CCDC85A: variants seen among roughly 807,000 people sequenced by gnomAD.
CCDC85A encodes coiled-coil domain-containing protein 85A.
In CCDC85A, 38 loss-of-function variants were observed where a neutral mutation model predicts 50.2. The observed-to-expected ratio is 0.76, with a 90% CI of 0.58 to 0.99. The LOEUF (loss-of-function observed/expected upper bound fraction) is 0.99. Ranked by LOEUF, CCDC85A falls within the 50% of genes least tolerant of loss-of-function variation. CCDC85A has a pLI of 0.00. For missense variants in CCDC85A, 820 were observed against 742.0 expected (o/e 1.11, Z -1.22); for synonymous variants, 366 against 301.4 (o/e 1.21, Z -2.22).
intron 2 of CCDC85A, among the ~76,000 whole-genome samples, chr2:56,259,064 G>A (rs1016938884): frequency 3.9e-5 from 6 of 152,154 alleles, no homozygotes; most frequent in African/African-American, 1.4e-4. Flanking sequence ...TGGTTATAAT[G>A]ACCTAGGTTA....
chr2:56,305,780 T>C (rs982790636), intron 2 of CCDC85A, among the ~76,000 whole-genome samples: 23 of 152,230 alleles, frequency 1.5e-4, no homozygotes, highest in Admixed American at 3.3e-4. Context: ...AGTGGACACA[T>C]TGGCTTTGAT....
chr2:56,369,175 A>C (rs1675952593), intron 3 of CCDC85A, among the ~76,000 whole-genome samples: 1 of 152,148 alleles, frequency 6.6e-6, no homozygotes. Context: ...GAAAAGAAAC[A>C]CGACAGTGTA....
rs1323110841 is a variant in CCDC85A at position 56,192,035 on chromosome 2, A to G, written c.277-442A>G. 6.6e-6 allele frequency among the ~76,000 whole-genome samples: 1 copy of G among 152,182 alleles called. No homozygotes were observed. Among genetic ancestry groups the G allele is most frequent in the Admixed American group, 6.5e-5 (1 of 15,280 alleles). ...TTGATAATGAACTGGTTGCTCCCTA[A>G]CTACTGACCAGATGAACTTGGACAA... On this transcript the variant is annotated intron_variant, in intron 1 of 5. Transcript: ENST00000407595. This position sits in a 1 kb window ranked among gnomAD's most constrained non-coding sequence, Gnocchi z 4.7.
At position 56,384,619 on chromosome 2, in the gene CCDC85A, A is replaced by G. The variant is rs1159708533; in HGVS notation, c.*264A>G. On this transcript the variant is annotated 3_prime_UTR_variant, in exon 6 of 6. Coordinates refer to ENST00000407595, the MANE Select transcript of CCDC85A (RefSeq NM_001080433.2). The stretch of plus-strand genomic sequence containing the variant: ...TCAAACAGAGTAGCTTTGAAAATCA[A>G]CATTTTGGTACCAGTGTTTTCATTA... 2.9e-6 allele frequency: 1 copy of G among 347,544 alleles called. No individual in the cohort carries two copies. Among genetic ancestry groups the G allele is most frequent in the Admixed American group, 4.0e-5 (1 of 24,754 alleles). 21.5% of individuals were successfully genotyped at this position (347,544 alleles called of 1,614,324 possible).
intron 5 of CCDC85A, among the ~76,000 whole-genome samples, chr2:56,376,460 A>G (rs1676342339): frequency 6.6e-6 from 1 of 152,184 alleles, no homozygotes; most frequent in Non-Finnish European, 1.5e-5. Context: ...ATAGAATAAT[A>G]GAAAACAGAT....
Position 56,192,786 on chromosome 2 carries a change from C to T in CCDC85A, c.586C>T (p.Leu196Phe). ...CGACAGCCAGGCCAGCCTGTGCCAA[C>T]TCACAGCCTCCACCGCACCCTACGT... ...SIDSQASLCQ[L>F]TASTAPYVRD... The change falls in exon 2 of 6, where the codon CTC (leucine) becomes TTC (phenylalanine). Residue 196 changes from leucine (L) to phenylalanine (F), a missense_variant. Leu to Phe is a conservative substitution (Grantham distance 22, BLOSUM62 0). Coordinates refer to ENST00000407595, the MANE Select transcript of CCDC85A (RefSeq NM_001080433.2). The surrounding 1 kb of genome is among the most constrained non-coding windows in gnomAD (Gnocchi z 4.7). 2 of 1,613,194 alleles carry T rather than the reference C, an allele frequency of 1.2e-6. No individual in the cohort carries two copies. The highest frequency in any genetic ancestry group is 1.7e-6 in the Non-Finnish European group (2 of 1,179,508).
intron 2 of CCDC85A, among the ~76,000 whole-genome samples, chr2:56,306,350 A>T (rs998537347): frequency 5.9e-5 from 9 of 151,948 alleles, no homozygotes; most frequent in Non-Finnish European, 8.8e-5. Flanking sequence ...CTGGTCTTGA[A>T]CTCCTGACCT....
intron 2 of CCDC85A, among the ~76,000 whole-genome samples, chr2:56,269,428 C>G (rs1463962952): frequency 6.6e-6 from 1 of 152,016 alleles, no homozygotes; most frequent in Non-Finnish European, 1.5e-5. Flanking sequence ...ATTTCATTTT[C>G]TCAGGATTTA....
At chr2:56,373,164 A>G (rs1676167465) in intron 4 of CCDC85A, among the ~76,000 whole-genome samples, 1 of 152,192 alleles carries the variant, frequency 6.6e-6, no homozygotes, top group African/African-American at 2.4e-5. Context: ...ATCTGTTGGA[A>G]GTAAACTTCA....
chr2:56,319,058 G>C (rs1296523459), intron 2 of CCDC85A, among the ~76,000 whole-genome samples: 1 of 152,112 alleles, frequency 6.6e-6, no homozygotes, highest in Non-Finnish European at 1.5e-5. Context: ...CTCTGCTGGA[G>C]AGAGCCAGAA....
At chr2:56,303,547 G>A (rs2104198811) in intron 2 of CCDC85A, among the ~76,000 whole-genome samples, 1 of 152,134 alleles carries the variant, frequency 6.6e-6, no homozygotes, top group South Asian at 2.1e-4. Context: ...TTCCTAAAGG[G>A]CACCAAGCAG....
chr2:56,266,786 C>T (rs1220315729), intron 2 of CCDC85A, among the ~76,000 whole-genome samples: 1 of 152,040 alleles, frequency 6.6e-6, no homozygotes, highest in Non-Finnish European at 1.5e-5. Context: ...TTGTTGCCTA[C>T]TTATAGATCT....
At chr2:56,253,121 T>G (rs1200553469) in intron 2 of CCDC85A, among the ~76,000 whole-genome samples, 1 of 152,140 alleles carries the variant, frequency 6.6e-6, no homozygotes, top group Non-Finnish European at 1.5e-5. Context: ...TTGCACAAAC[T>G]CAACACTCCT....
intron 2 of CCDC85A, among the ~76,000 whole-genome samples, chr2:56,267,497 T>A (rs1217049015): frequency 2.6e-5 from 4 of 152,204 alleles, no homozygotes; most frequent in Non-Finnish European, 5.9e-5. Flanking sequence ...AGATATTTGG[T>A]ATATTCAACA....
intron 2 of CCDC85A, among the ~76,000 whole-genome samples, chr2:56,266,279 A>T (rs1670435709): frequency 6.6e-6 from 1 of 152,218 alleles, no homozygotes; most frequent in Admixed American, 6.5e-5. Context: ...ATTTCAAACT[A>T]GCTGAAAGAA....
intron 3 of CCDC85A, among the ~76,000 whole-genome samples, chr2:56,345,496 C>A (rs143382918): frequency 6.6e-6 from 1 of 152,302 alleles, no homozygotes; most frequent in South Asian, 2.1e-4. Context: ...TGCAGTAGAT[C>A]TGTCAATTCA....
intron 2 of CCDC85A, among the ~76,000 whole-genome samples, chr2:56,279,401 A>T (rs993607526): frequency 1.3e-5 from 2 of 151,998 alleles, no homozygotes; most frequent in African/African-American, 4.8e-5. Context: ...CATAACCATT[A>T]ATAGTCATTC....
chr2:56,286,053 G>A (rs767599361), intron 2 of CCDC85A, among the ~76,000 whole-genome samples: 16 of 125,810 alleles, frequency 1.3e-4, no homozygotes, highest in South Asian at 2.5e-4. Context: ...ATTGTTGTTT[G>A]GGTCCATTAT....
intron 2 of CCDC85A, among the ~76,000 whole-genome samples, chr2:56,212,840 C>T (rs1253286511): frequency 1.3e-5 from 2 of 151,938 alleles, no homozygotes; most frequent in Non-Finnish European, 2.9e-5. Flanking sequence ...AGCTTCATGT[C>T]ACTGGGGACA....
Sources: gnomAD v4.1 joint callset for allele counts (sites outside exome capture counted in the v4.1 genomes callset) on GRCh38, gnomAD v4.1.1 for gene constraint, Gnocchi (gnomAD v3.1) non-coding constraint, MANE v1.5 for transcripts, NCBI Gene and HGNC (gene_info 2026-07-23, HGNC 2026-07-21) for gene names.